The following TEAD4 variants were observed in gnomAD, a reference collection of about 807,000 sequenced individuals.
TEAD4 encodes the protein TEA domain transcription factor 4.
Under a neutral mutation model 52.4 loss-of-function variants are expected in TEAD4, and 36 were observed. That is an observed-to-expected ratio of 0.69 (90% CI 0.53 to 0.91). The LOEUF is 0.91. Ranked by LOEUF, TEAD4 falls within the 40% of genes least tolerant of loss-of-function variation. TEAD4 has a pLI of 0.00. For synonymous variants in TEAD4, 220 were observed against 231.0 expected, an observed-to-expected ratio of 0.95 and a Z score of 0.43; for missense variants, 508 against 583.9, an observed-to-expected ratio of 0.87 and a Z score of 1.34.
intron 2 of TEAD4, among the ~76,000 whole-genome samples, chr12:2,985,813 T>C (rs530723580): frequency 8.5e-5 from 13 of 152,060 alleles, no homozygotes; most frequent in African/African-American, 2.4e-4. Context: ...CAGCCGGGCG[T>C]GGTGGCTCAC....
At chr12:2,991,765 C>T (rs922848193) in intron 2 of TEAD4, among the ~76,000 whole-genome samples, 1 of 151,748 alleles carries the variant, frequency 6.6e-6, no homozygotes, top group Non-Finnish European at 1.5e-5. Flanking sequence ...TAGTTTATTC[C>T]CGAAAAAGCG....
rs1203752863 is a variant in TEAD4 at position 2,959,492 on chromosome 12, C to CCCGCGCCCG, written c.-123+16_-123+24dup. ...GCCGCGTCCCGCCAGGTGAGAGGCGCCCGCGCCCGCCGCACCCGCCGGCGC... is the reference window on the plus strand; with the variant it reads ...GCCGCGTCCCGCCAGGTGAGAGGCGCCCGCGCCCGCCGCGCCCGCCGCACCCGCCGGCGC... On this transcript the variant is annotated intron_variant, in intron 1 of 12. Coordinates refer to ENST00000359864, the MANE Select transcript of TEAD4 (RefSeq NM_003213.4). The surrounding 1 kb of genome is among the most constrained non-coding windows in gnomAD (Gnocchi z 5.1). The CCCGCGCCCG allele has an allele frequency of 6.8e-6, 1 of 147,258 alleles. No homozygotes were observed. The highest frequency in any genetic ancestry group is 1.5e-5 in the Non-Finnish European group (1 of 65,898). 9.1% of individuals were successfully genotyped at this position (147,258 alleles called of 1,614,324 possible). A position where few individuals can be genotyped will look rare whatever the true frequency, so the allele number is the denominator to read the frequency against.
chr12:2,976,287 C>T (rs2098229593), intron 2 of TEAD4, among the ~76,000 whole-genome samples: 1 of 151,922 alleles, frequency 6.6e-6, no homozygotes, highest in Non-Finnish European at 1.5e-5. Flanking sequence ...GCTGGGATTA[C>T]AGGCGTGAAC....
intron 3 of TEAD4, among the ~76,000 whole-genome samples, chr12:3,005,410 C>T (rs568668648): frequency 6.6e-6 from 1 of 152,334 alleles, no homozygotes; most frequent in East Asian, 1.9e-4. Context: ...CCTCCTGCCT[C>T]AGCTTCCTGA....
At chr12:3,027,617 T>C (rs569397717) in intron 10 of TEAD4, among the ~76,000 whole-genome samples, 75 of 152,270 alleles carry the variant, frequency 4.9e-4, no homozygotes, top group African/African-American at 1.8e-3. Flanking sequence ...CAGTAACCCC[T>C]ACACTTTGGG....
chr12:2,985,529 G>A (rs183217824), intron 2 of TEAD4, among the ~76,000 whole-genome samples: 64 of 103,028 alleles, frequency 6.2e-4, no homozygotes, highest in Admixed American at 7.7e-4. Context: ...TTTTTGAGAC[G>A]GAGTCTCATT....
chr12:2,962,348 T>TATA (rs1237615183), intron 2 of TEAD4, among the ~76,000 whole-genome samples: 5 of 32,348 alleles, frequency 1.5e-4, no homozygotes, highest in Non-Finnish European at 5.9e-4. Context: ...ATATATATAT[T>TATA]TTTTGAGATG....
At chr12:3,019,692 C>T (rs2098267299) in intron 8 of TEAD4, among the ~76,000 whole-genome samples, 1 of 152,010 alleles carries the variant, frequency 6.6e-6, no homozygotes, top group East Asian at 1.9e-4. Flanking sequence ...GGGGCCCTCA[C>T]CACCTCCCAC....
Position 3,040,358 on chromosome 12 carries a change from C to G in TEAD4, c.1192-7C>G. The stretch of plus-strand genomic sequence containing the variant: ...CTTATTAACCCTTGTCTTTTTCTCT[C>G]CCACAGGTGGTCACCAACAGAGACA... On this transcript the variant is annotated splice_polypyrimidine_tract_variant and splice_region_variant and intron_variant, in intron 12 of 12. Transcript: ENST00000359864. 6.2e-7 allele frequency: 1 copy of G among 1,614,156 alleles called. No homozygotes were observed. Among genetic ancestry groups the G allele is most frequent in the Non-Finnish European group, 8.5e-7 (1 of 1,180,008 alleles).
intron 2 of TEAD4, among the ~76,000 whole-genome samples, chr12:2,977,151 C>A (rs574919715): frequency 1.3e-5 from 2 of 152,230 alleles, no homozygotes; most frequent in Admixed American, 6.5e-5. Context: ...TGCACTGGTG[C>A]CTCTTCAGTG....
At chr12:2,999,709 C>T (rs144261960) in intron 3 of TEAD4, among the ~76,000 whole-genome samples, 11 of 151,828 alleles carry the variant, frequency 7.2e-5, no homozygotes, top group African/African-American at 2.4e-4. Context: ...GCTGGCCACC[C>T]TGACCTCCTT....
intron 2 of TEAD4, among the ~76,000 whole-genome samples, chr12:2,974,498 GGCT>G (rs2098227838): frequency 6.6e-6 from 1 of 152,200 alleles, no homozygotes; most frequent in Admixed American, 6.5e-5. Flanking sequence ...CCAGTCCAGA[GGCT>G]CGAGTCTTCA....
At chr12:3,003,746 AC>A (rs2098253551) in intron 3 of TEAD4, among the ~76,000 whole-genome samples, 1 of 151,908 alleles carries the variant, frequency 6.6e-6, no homozygotes, top group Non-Finnish European at 1.5e-5. Context: ...TCCCATCCCC[AC>A]CCAGGCCGGC....
At chr12:3,027,923 A>G (rs2153957941) in intron 10 of TEAD4, among the ~76,000 whole-genome samples, 1 of 152,324 alleles carries the variant, frequency 6.6e-6, no homozygotes, top group Middle Eastern at 3.4e-3. Flanking sequence ...TTGTGCAACC[A>G]TCACCACAAT....
At chr12:2,987,785 G>C (rs558819374) in intron 2 of TEAD4, among the ~76,000 whole-genome samples, 2 of 151,748 alleles carry the variant, frequency 1.3e-5, no homozygotes, top group Admixed American at 6.6e-5. Context: ...CAATTTCAGG[G>C]CCGGGCACGG....
intron 6 of TEAD4, 57 bp downstream of exon 6, chr12:3,017,583 C>A: frequency 6.4e-7 from 1 of 1,555,776 alleles, no homozygotes; most frequent in Non-Finnish European, 8.7e-7. Context: ...TCCCTCCTCC[C>A]TGTTCAGAAG....
intron 10 of TEAD4, among the ~76,000 whole-genome samples, chr12:3,037,205 C>A (rs1266003531): frequency 6.6e-6 from 1 of 152,162 alleles, no homozygotes; most frequent in Non-Finnish European, 1.5e-5. Flanking sequence ...GGCCGGGGAC[C>A]AAGACTCCTG....
intron 10 of TEAD4, among the ~76,000 whole-genome samples, chr12:3,027,045 T>C (rs1161555636): frequency 3.9e-5 from 6 of 152,088 alleles, no homozygotes; most frequent in African/African-American, 1.4e-4. Context: ...CAGGTTGGAG[T>C]GCAGTGGTGT....
At chr12:2,988,127 T>C (rs1400828916) in intron 2 of TEAD4, among the ~76,000 whole-genome samples, 3 of 152,058 alleles carry the variant, frequency 2.0e-5, no homozygotes, top group Non-Finnish European at 4.4e-5. Flanking sequence ...AATTTATGAT[T>C]TATTTGGACA....
Sources: gnomAD v4.1 joint callset for allele counts (sites outside exome capture counted in the v4.1 genomes callset) on GRCh38, gnomAD v4.1.1 for gene constraint, Gnocchi (gnomAD v3.1) non-coding constraint, MANE v1.5 for transcripts, NCBI Gene and HGNC (gene_info 2026-07-23, HGNC 2026-07-21) for gene names.